Variants in FBLN1 observed in about 807,000 individuals in gnomAD.
The protein encoded by FBLN1 is fibulin 1.
FBLN1 carries 34 observed loss-of-function variants against 89.7 expected under a neutral mutation model. That is an observed-to-expected ratio of 0.38 (90% CI 0.29 to 0.50). The LOEUF (loss-of-function observed/expected upper bound fraction) is 0.50, where lower values mean the gene tolerates loss of function less well. FBLN1 is among the 20% of genes least tolerant of loss of function. FBLN1 has a pLI of 0.92. For synonymous variants in FBLN1, 393 were observed against 391.3 expected (o/e 1.00, Z -0.05); for missense variants, 777 against 988.1 (o/e 0.79, Z 2.86).
Position 45,547,170 on chromosome 22 carries a change from C to T in FBLN1, c.1407C>T (p.Tyr469=). 6.2e-7 allele frequency: 1 copy of T among 1,614,092 alleles called. No homozygotes were observed. Among genetic ancestry groups the T allele is most frequent in the Non-Finnish European group, 8.5e-7 (1 of 1,180,038 alleles). The change falls in exon 12 of 17, where the codon TAC becomes TAT. Residue 469 remains tyrosine, a synonymous_variant. Transcript: ENST00000327858. The part of the protein sequence containing the change: ...GSYQCYCRRG[Y]QLSDVDGVTC... ...ACCAGTGTTACTGCCGGCGAGGCTA[C>T]CAGCTCAGCGATGTGGATGGAGTCA...
chr22:45,571,111 C>T (rs1428558407), intron 14 of FBLN1, among the ~76,000 whole-genome samples: 2 of 70,850 alleles, frequency 2.8e-5, no homozygotes, highest in African/African-American at 1.2e-4. Flanking sequence ...ACAAGAGTCT[C>T]AAAAAAAAAA....
rs1250779298 is a variant in FBLN1, at chr22:45,583,996, T to C, written c.1972+6888T>C. Reference sequence around the variant, plus strand: ...ACTATCGATGTAGGTGTGAGGGTCTTTGGGTTGTATCCAGCTGTCCCATAA... The same window carrying C: ...ACTATCGATGTAGGTGTGAGGGTCTCTGGGTTGTATCCAGCTGTCCCATAA... On this transcript the variant is annotated intron_variant, in intron 16 of 16. Coordinates refer to ENST00000327858, the MANE Select transcript of FBLN1 (RefSeq NM_006486.3). The surrounding 1 kb of genome is among the most constrained non-coding windows in gnomAD (Gnocchi z 4.5). Among the ~76,000 whole-genome samples the C allele has an allele frequency of 6.6e-6, 1 of 152,084 alleles. No homozygotes were observed. Among genetic ancestry groups the C allele is most frequent in the Non-Finnish European group, 1.5e-5 (1 of 68,014 alleles).
intron 16 of FBLN1, among the ~76,000 whole-genome samples, chr22:45,599,093 G>A (rs78567086): frequency 0.025 from 3,809 of 152,268 alleles, 138 homozygotes; most frequent in African/African-American, 0.085. Flanking sequence ...CCGCTAACCC[G>A]GATCCCCTGG....
intron 2 of FBLN1, chr22:45,523,013 T>G: frequency 3.3e-6 from 2 of 599,076 alleles, no homozygotes; most frequent in East Asian, 2.7e-5. Context: ...GTCTGATGGT[T>G]TGTAGGAAGG....
intron 16 of FBLN1, among the ~76,000 whole-genome samples, chr22:45,594,753 G>A (rs1378288807): frequency 6.8e-6 from 1 of 146,964 alleles, no homozygotes; most frequent in Non-Finnish European, 1.5e-5. Context: ...TGAGTGGATA[G>A]ATGGATGGAT....
chr22:45,549,655 C>A lies in FBLN1; in HGVS notation c.1574-837C>A, dbSNP rs549555158. Among the ~76,000 whole-genome samples, 1 of 152,344 alleles carries A rather than the reference C, an allele frequency of 6.6e-6. No individual in the cohort carries two copies. Among genetic ancestry groups the A allele is most frequent in the South Asian group, 2.1e-4 (1 of 4,822 alleles). ...AGCATAAACACATTCCTGAGCCGGG[C>A]CTTTGAGGCTGGGGAGTGTTGTTTT... is the stretch of plus-strand genomic sequence containing the variant. On this transcript the variant is annotated intron_variant, in intron 13 of 16. Coordinates refer to ENST00000327858, the MANE Select transcript of FBLN1 (RefSeq NM_006486.3). The surrounding 1 kb of genome is among the most constrained non-coding windows in gnomAD (Gnocchi z 5.7).
rs1318870254 is a variant in FBLN1, at chr22:45,574,869, C to T, written c.1840+216C>T. On this transcript the variant is annotated intron_variant, in intron 15 of 16. Coordinates refer to ENST00000327858, the MANE Select transcript of FBLN1 (RefSeq NM_006486.3). This position sits in a 1 kb window ranked among gnomAD's most constrained non-coding sequence, Gnocchi z 4.1. ...CCATCTCGGCTCACTGCAAGCTCCA[C>T]CTCCCGGGTTCACGCCATTCTCCTG... 6.6e-6 allele frequency among the ~76,000 whole-genome samples: 1 copy of T among 151,354 alleles called. No homozygotes were observed.
chr22:45,591,761 G>A (rs2089138279), intron 16 of FBLN1, among the ~76,000 whole-genome samples: 1 of 151,922 alleles, frequency 6.6e-6, no homozygotes, highest in Admixed American at 6.6e-5. Flanking sequence ...CTCAGCTAAG[G>A]GCAGTACAGT....
chr22:45,550,981 A>T lies in FBLN1; in HGVS notation c.1697+366A>T, dbSNP rs1396499236. 6 of 361,738 alleles carry T rather than the reference A, an allele frequency of 1.7e-5. No homozygotes were observed. The East Asian group carries it at 2.7e-4, about 16-fold the overall frequency. 22.4% of individuals were successfully genotyped at this position (361,738 alleles called of 1,614,324 possible). On this transcript the variant is annotated intron_variant, in intron 14 of 16. Coordinates refer to ENST00000327858, the MANE Select transcript of FBLN1 (RefSeq NM_006486.3). This position sits in a 1 kb window ranked among gnomAD's most constrained non-coding sequence, Gnocchi z 8.4. Reference sequence around the variant, plus strand: ...GATGTCAGAACGTGCTCTGACTGAGATGCATAGGTAGCAATGTCTCCATGT... The same window carrying T: ...GATGTCAGAACGTGCTCTGACTGAGTTGCATAGGTAGCAATGTCTCCATGT...
chr22:45,539,368 T>C (rs990147992), intron 8 of FBLN1, among the ~76,000 whole-genome samples: 10 of 151,440 alleles, frequency 6.6e-5, no homozygotes, highest in Non-Finnish European at 1.3e-4. Context: ...GCCTGGCTAA[T>C]TTTTGTATTT....
intron 16 of FBLN1, among the ~76,000 whole-genome samples, chr22:45,589,014 C>T (rs535560187): frequency 1.0e-4 from 15 of 149,876 alleles, no homozygotes; most frequent in East Asian, 2.0e-4. Context: ...CAGCAAACCC[C>T]GCGTGGCCCT....
chr22:45,552,976 C>T (rs2088724586), intron 14 of FBLN1, among the ~76,000 whole-genome samples: 2 of 152,216 alleles, frequency 1.3e-5, no homozygotes, highest in South Asian at 4.1e-4. Context: ...GCCGGGTGGC[C>T]TTGGTTGCCG....
intron 2 of FBLN1, among the ~76,000 whole-genome samples, chr22:45,519,561 C>CT: frequency 6.8e-6 from 1 of 148,048 alleles, no homozygotes; most frequent in South Asian, 2.1e-4. Flanking sequence ...GAGGCGGAGG[C>CT]TGCAGTGAGC....
intron 16 of FBLN1, among the ~76,000 whole-genome samples, chr22:45,592,401 A>C (rs2089146279): frequency 6.6e-6 from 1 of 152,038 alleles, no homozygotes; most frequent in Non-Finnish European, 1.5e-5. Context: ...ATCTCGGCTC[A>C]CTGCAACCTC....
At position 45,568,783 on chromosome 22, in the gene FBLN1, T is replaced by TGTAGGGGA. The variant is rs1569260425; in HGVS notation, c.1698-5728_1698-5727insGTAGGGGA. On this transcript the variant is annotated intron_variant, in intron 14 of 16. Transcript: ENST00000327858. The stretch of plus-strand genomic sequence containing the variant: ...TGCTCCTTCTGTAAGGGAATGCTCC[T>TGTAGGGGA]CCTGTAAGGGAATGCCTCTTCTGTA... Among the ~76,000 whole-genome samples the TGTAGGGGA allele has an allele frequency of 2.7e-4, 34 of 125,478 alleles. 4 individuals are homozygous for TGTAGGGGA. The highest frequency in any genetic ancestry group is 7.9e-4 in the African/African-American group (24 of 30,466). 82.3% of individuals were successfully genotyped at this position (125,478 alleles called of 152,430 possible). A position where few individuals can be genotyped will look rare whatever the true frequency, so the allele number is the denominator to read the frequency against.
intron 1 of FBLN1, among the ~76,000 whole-genome samples, chr22:45,505,269 G>A (rs144291064): frequency 0.012 from 1,758 of 152,328 alleles, 43 homozygotes; most frequent in African/African-American, 0.04. Context: ...GGCTGCAGCC[G>A]GGCAGCGTTT....
intron 1 of FBLN1, among the ~76,000 whole-genome samples, chr22:45,515,174 G>A (rs1289129002): frequency 1.3e-5 from 2 of 152,212 alleles, no homozygotes; most frequent in Non-Finnish European, 2.9e-5. Context: ...TGATTGGTGA[G>A]TGTTACAGTG....
In FBLN1 at chr22:45,509,714, A is replaced by G. The variant is rs545292959; in HGVS notation, c.79+6650A>G. Among the ~76,000 whole-genome samples the G allele has an allele frequency of 6.6e-5, 10 of 152,174 alleles. No homozygotes were observed. The South Asian group carries it at 1.5e-3, about 22-fold the overall frequency. Reference sequence around the variant, plus strand: ...GTAATCCCAGCTACTCAGGAGGGGCAGGGTGCAGGTGGGGGTTGGGTGGAG... The same window carrying G: ...GTAATCCCAGCTACTCAGGAGGGGCGGGGTGCAGGTGGGGGTTGGGTGGAG... On this transcript the variant is annotated intron_variant, in intron 1 of 16. Coordinates refer to ENST00000327858, the MANE Select transcript of FBLN1 (RefSeq NM_006486.3).
intron 16 of FBLN1, among the ~76,000 whole-genome samples, chr22:45,589,534 T>TG (rs917078056): frequency 5.3e-5 from 8 of 152,154 alleles, no homozygotes; most frequent in Non-Finnish European, 8.8e-5. Flanking sequence ...TGCTCCAGCC[T>TG]GGGGGGGCTC....
Sources: gnomAD v4.1 joint callset for allele counts (sites outside exome capture counted in the v4.1 genomes callset) on GRCh38, gnomAD v4.1.1 for gene constraint, Gnocchi (gnomAD v3.1) non-coding constraint, MANE v1.5 for transcripts, NCBI Gene and HGNC (gene_info 2026-07-23, HGNC 2026-07-21) for gene names.